Variants in CELF2 observed in about 807,000 individuals in gnomAD.
CELF2 encodes the protein CUGBP Elav-like family member 2.
A neutral mutation model predicts 62.6 loss-of-function variants in CELF2; 8 were observed. The ratio of observed to expected loss-of-function variants is 0.13; its 90% CI spans 0.07 to 0.23. The LOEUF (loss-of-function observed/expected upper bound fraction) is 0.23, where lower values mean the gene tolerates loss of function less well. Ranked by LOEUF, CELF2 falls within the 10% of genes least tolerant of loss-of-function variation. The pLI, the probability that CELF2 is intolerant of heterozygous loss-of-function variation, is 1.00. For synonymous variants in CELF2, 258 were observed against 250.0 expected, an observed-to-expected ratio of 1.03 and a Z score of -0.30; for missense variants, 333 against 671.0, an observed-to-expected ratio of 0.50 and a Z score of 5.56.
At chr10:11,163,406 T>G (rs1399053766) in intron 1 of CELF2, among the ~76,000 whole-genome samples, 1 of 152,148 alleles carries the variant, frequency 6.6e-6, no homozygotes, top group African/African-American at 2.4e-5. Context: ...CGACAGGGTG[T>G]GAACATGACA....
intron 2 of CELF2, among the ~76,000 whole-genome samples, chr10:10,953,190 G>A (rs915588699): frequency 6.6e-6 from 1 of 152,172 alleles, no homozygotes; most frequent in African/African-American, 2.4e-5. Flanking sequence ...GGCTTTTAAA[G>A]CATTGAAAAT....
At chr10:10,734,792 C>A in the CELF2 span, among the ~76,000 whole-genome samples, 1 of 152,110 alleles carries the variant, frequency 6.6e-6, no homozygotes, top group Non-Finnish European at 1.5e-5. Flanking sequence ...TTAATTATCC[C>A]AGTTTGCCCA....
the CELF2 span, among the ~76,000 whole-genome samples, chr10:10,574,275 G>A: frequency 3.3e-5 from 5 of 152,200 alleles, no homozygotes; most frequent in Non-Finnish European, 7.3e-5. Flanking sequence ...AGTGAAGGCA[G>A]TAGGACTGTC....
chr10:11,075,593 A>G lies in CELF2; in HGVS notation c.74+57430A>G, dbSNP rs565960425. 1.8e-4 allele frequency among the ~76,000 whole-genome samples: 27 copies of G among 152,192 alleles called. No individual in the cohort carries two copies. Among genetic ancestry groups the G allele is most frequent in the Non-Finnish European group, 3.5e-4 (24 of 68,036 alleles). On this transcript the variant is annotated intron_variant, in intron 1 of 12. Transcript: ENST00000633077. The surrounding 1 kb of genome is among the most constrained non-coding windows in gnomAD (Gnocchi z 5.4). ...TAAATTAAGTGGATTATTGCTGTGA[A>G]CATACGTATGGACTTAAATGTCCAG... is the stretch of plus-strand genomic sequence containing the variant.
rs556970299 is a variant in CELF2, at chr10:10,988,858, A to G, written c.89+68859A>G. On this transcript the variant is annotated intron_variant, in intron 2 of 13. Transcript: ENST00000636488. ...TACTGGAAGTTCTGATCATAGCAAT[A>G]AATCATGGAACCCAAATAAACAGAT... Among the ~76,000 whole-genome samples, 118 of 152,254 alleles carry G rather than the reference A, an allele frequency of 7.8e-4. 2 individuals carry two copies. The highest frequency in any genetic ancestry group is 1.5e-3 in the Non-Finnish European group (99 of 67,988).
At chr10:11,259,326 AACC>A (rs2079751242) in intron 5 of CELF2, among the ~76,000 whole-genome samples, 1 of 151,998 alleles carries the variant, frequency 6.6e-6, no homozygotes, top group African/African-American at 2.4e-5. Flanking sequence ...TCCCACCTAC[AACC>A]ACCTCCAGAG....
At chr10:10,770,888 G>A in the CELF2 span, among the ~76,000 whole-genome samples, 1 of 152,158 alleles carries the variant, frequency 6.6e-6, no homozygotes, top group Non-Finnish European at 1.5e-5. Flanking sequence ...CTTATCTAGG[G>A]ATGTGTCAGA....
the CELF2 span, among the ~76,000 whole-genome samples, chr10:10,735,779 T>G: frequency 1.3e-5 from 2 of 152,224 alleles, no homozygotes; most frequent in African/African-American, 4.8e-5. Context: ...ATATTTAATG[T>G]ATTTGTGAGC....
chr10:10,870,951 G>C (rs1476551694), intron 1 of CELF2, among the ~76,000 whole-genome samples: 3 of 152,170 alleles, frequency 2.0e-5, no homozygotes, highest in Non-Finnish European at 1.5e-5. Context: ...GCCCGAAGTA[G>C]ACAAGAGGCA....
intron 1 of CELF2, among the ~76,000 whole-genome samples, chr10:11,021,474 A>AC (rs765708638): frequency 1.3e-5 from 2 of 152,178 alleles, no homozygotes; most frequent in African/African-American, 4.8e-5. Context: ...GGCTTTAGAG[A>AC]CCATCTCATC....
chr10:10,599,102 TCCCTCATG>T, the CELF2 span, among the ~76,000 whole-genome samples: 1 of 152,268 alleles, frequency 6.6e-6, no homozygotes, highest in Middle Eastern at 3.4e-3. Flanking sequence ...TTCTCTTTCT[TCCCTCATG>T]CCCAATTTGG....
chr10:11,243,515 G>A lies in CELF2; in HGVS notation c.355-5638G>A, dbSNP rs2074654741. ...AACAGGATCTATTTCCAAAACTCAT[G>A]CTCCTGCCATTTCCCCACAAGCATG... On this transcript the variant is annotated intron_variant, in intron 3 of 12. Transcript: ENST00000633077. This position sits in a 1 kb window ranked among gnomAD's most constrained non-coding sequence, Gnocchi z 4.1. Among the ~76,000 whole-genome samples, 1 of 152,162 alleles carries A rather than the reference G, an allele frequency of 6.6e-6. No individual in the cohort carries two copies. Among genetic ancestry groups the A allele is most frequent in the Non-Finnish European group, 1.5e-5 (1 of 68,034 alleles).
chr10:11,051,519 C>T (rs1037041011), intron 1 of CELF2, among the ~76,000 whole-genome samples: 5 of 152,200 alleles, frequency 3.3e-5, no homozygotes, highest in Non-Finnish European at 5.9e-5. Flanking sequence ...CTGATGCCTG[C>T]CCGATCAAGT....
chr10:10,694,039 C>A, the CELF2 span, among the ~76,000 whole-genome samples: 2 of 148,500 alleles, frequency 1.3e-5, no homozygotes, highest in Non-Finnish European at 3.0e-5. Flanking sequence ...TTAGTTATTT[C>A]TTGCCTTCTG....
the CELF2 span, among the ~76,000 whole-genome samples, chr10:10,551,866 G>A: frequency 2.0e-5 from 3 of 152,116 alleles, no homozygotes; most frequent in Non-Finnish European, 4.4e-5. Flanking sequence ...TCAGCAACAC[G>A]GAAAGCATCT....
chr10:10,939,628 A>T (rs1015957976), intron 2 of CELF2, among the ~76,000 whole-genome samples: 2 of 151,162 alleles, frequency 1.3e-5, no homozygotes, highest in Non-Finnish European at 1.5e-5. Flanking sequence ...CAATGAAGGG[A>T]GGGAAGGAGA....
chr10:11,099,905 G>GA (rs2051032618), intron 1 of CELF2, among the ~76,000 whole-genome samples: 1 of 141,368 alleles, frequency 7.1e-6, no homozygotes, highest in Non-Finnish European at 1.5e-5. Flanking sequence ...AAAAAAAACA[G>GA]AAAAAACAGC....
upstream of CELF2, among the ~76,000 whole-genome samples, chr10:11,003,776 G>A (rs1007211358): frequency 5.9e-5 from 9 of 152,090 alleles, no homozygotes; most frequent in Non-Finnish European, 8.8e-5. This position sits in a 1 kb window ranked among gnomAD's most constrained non-coding sequence, Gnocchi z 4.4. Flanking sequence ...GATATCATTC[G>A]CTGGCAAGGT....
intron 2 of CELF2, among the ~76,000 whole-genome samples, chr10:10,987,712 A>T (rs892475172): frequency 6.6e-6 from 1 of 152,162 alleles, no homozygotes; most frequent in Non-Finnish European, 1.5e-5. Context: ...AACGATCTCA[A>T]TAGGAACTCA....
Sources: gnomAD v4.1 joint callset for allele counts (sites outside exome capture counted in the v4.1 genomes callset) on GRCh38, gnomAD v4.1.1 for gene constraint, Gnocchi (gnomAD v3.1) non-coding constraint, MANE v1.5 for transcripts, NCBI Gene and HGNC (gene_info 2026-07-23, HGNC 2026-07-21) for gene names.